Variants in TMEM45A observed in about 807,000 individuals in gnomAD.
The protein encoded by TMEM45A is transmembrane protein 45A.
TMEM45A carries 25 observed loss-of-function variants against 32.0 expected under a neutral mutation model. The observed-to-expected ratio is 0.78, with a 90% CI of 0.57 to 1.09. TMEM45A has a LOEUF of 1.09. Ranked by LOEUF, TMEM45A falls within the 50% of genes least tolerant of loss-of-function variation. The pLI is 0.00. For missense variants in TMEM45A, 302 were observed against 325.0 expected (o/e 0.93, Z 0.54); for synonymous variants, 122 against 114.8 (o/e 1.06, Z -0.40).
intron 1 of TMEM45A, among the ~76,000 whole-genome samples, chr3:100,514,162 T>G (rs973285640): frequency 6.6e-6 from 1 of 152,044 alleles, no homozygotes; most frequent in Non-Finnish European, 1.5e-5. Flanking sequence ...GAGCCCGCAT[T>G]GCCAAGTCAA....
intron 4 of TMEM45A, among the ~76,000 whole-genome samples, chr3:100,564,611 G>A (rs1423476035): frequency 6.6e-6 from 1 of 151,956 alleles, no homozygotes; most frequent in Non-Finnish European, 1.5e-5. Context: ...AGTCTCCCAA[G>A]AGCTGGGATT....
intron 5 of TMEM45A, chr3:100,571,717 T>A (rs900122610): frequency 6.6e-6 from 1 of 151,918 alleles, no homozygotes; most frequent in Admixed American, 6.5e-5. Flanking sequence ...TCATTTAGTG[T>A]TAGGTATATC....
chr3:100,533,759 C>T (rs1255817400), intron 1 of TMEM45A, among the ~76,000 whole-genome samples: 1 of 152,160 alleles, frequency 6.6e-6, no homozygotes. Flanking sequence ...GCAGTGCCTA[C>T]TGTGTGGCAA....
intron 1 of TMEM45A, among the ~76,000 whole-genome samples, chr3:100,542,906 C>T (rs1298197008): frequency 1.3e-5 from 2 of 151,932 alleles, no homozygotes; most frequent in African/African-American, 4.8e-5. Flanking sequence ...AGGGAGGGGA[C>T]AAGAGTTGAA....
intron 1 of TMEM45A, among the ~76,000 whole-genome samples, chr3:100,500,205 T>C (rs1297213142): frequency 6.6e-6 from 1 of 152,186 alleles, no homozygotes; most frequent in Non-Finnish European, 1.5e-5. Flanking sequence ...AAATATTATT[T>C]TAAAATATAC....
chr3:100,574,042 A>G (rs982718542), intron 5 of TMEM45A: 5 of 152,130 alleles, frequency 3.3e-5, no homozygotes, highest in African/African-American at 1.2e-4. Flanking sequence ...TTCATCAAGG[A>G]TATTGGTCTA....
At chr3:100,571,885 T>C (rs1706569639) in intron 5 of TMEM45A, 1 of 152,218 alleles carries the variant, frequency 6.6e-6, no homozygotes, top group African/African-American at 2.4e-5. Flanking sequence ...TTGCTGAGAA[T>C]GATGGTTTCC....
At chr3:100,510,474 A>G (rs1057132535) in intron 1 of TMEM45A, among the ~76,000 whole-genome samples, 1 of 152,220 alleles carries the variant, frequency 6.6e-6, no homozygotes, top group Non-Finnish European at 1.5e-5. Context: ...TCTGTACATC[A>G]CCATCATCAA....
At chr3:100,512,963 T>A (rs959861209) in intron 1 of TMEM45A, among the ~76,000 whole-genome samples, 1 of 151,032 alleles carries the variant, frequency 6.6e-6, no homozygotes, top group African/African-American at 2.4e-5. Context: ...TAACAGGATC[T>A]GAAATTGTGG....
intron 1 of TMEM45A, among the ~76,000 whole-genome samples, chr3:100,504,268 T>G (rs1379792808): frequency 6.6e-6 from 1 of 151,912 alleles, no homozygotes; most frequent in Non-Finnish European, 1.5e-5. Context: ...AAAAAAGTCT[T>G]GCTTGGATAT....
chr3:100,518,843 C>T (rs1029882262), intron 1 of TMEM45A, among the ~76,000 whole-genome samples: 2 of 152,194 alleles, frequency 1.3e-5, no homozygotes, highest in African/African-American at 4.8e-5. Flanking sequence ...GGAGGCTTTA[C>T]TTTTCCATGC....
At chr3:100,519,216 T>G (rs7429392) in intron 1 of TMEM45A, 98,628 of 270,588 alleles carry the variant, frequency 0.36, 22,676 homozygotes, top group African/African-American at 0.71. Flanking sequence ...TGGTGAAATC[T>G]ACTTGAGCAT....
At chr3:100,523,508 A>G (rs564474395) in intron 1 of TMEM45A, among the ~76,000 whole-genome samples, 1 of 152,358 alleles carries the variant, frequency 6.6e-6, no homozygotes, top group African/African-American at 2.4e-5. Flanking sequence ...GTAAACAATT[A>G]TGATATGCAT....
chr3:100,496,622 G>A (rs777888255), intron 1 of TMEM45A, among the ~76,000 whole-genome samples: 18 of 152,314 alleles, frequency 1.2e-4, no homozygotes, highest in Non-Finnish European at 1.5e-4. Context: ...TTTGCCTGGC[G>A]GGGGCCAGAA....
At chr3:100,538,188 T>C (rs1705780949) in intron 1 of TMEM45A, among the ~76,000 whole-genome samples, 1 of 152,232 alleles carries the variant, frequency 6.6e-6, no homozygotes, top group Non-Finnish European at 1.5e-5. Flanking sequence ...TTAAGGGCTC[T>C]CAGAGGCAGA....
chr3:100,542,843 A>G (rs887198306), intron 1 of TMEM45A, among the ~76,000 whole-genome samples: 1 of 152,166 alleles, frequency 6.6e-6, no homozygotes, highest in Admixed American at 6.5e-5. Flanking sequence ...TTGGTAATAC[A>G]TGGGCATACA....
chr3:100,539,484 T>TATACGTATACGTATAC (rs1559644578), intron 1 of TMEM45A, among the ~76,000 whole-genome samples: 7 of 112,108 alleles, frequency 6.2e-5, no homozygotes, highest in Non-Finnish European at 1.4e-4. Flanking sequence ...TATATGTATA[T>TATACGTATACGTATAC]GTATATGTAT....
At chr3:100,529,345 T>C (rs1002688257) in intron 1 of TMEM45A, among the ~76,000 whole-genome samples, 1 of 152,200 alleles carries the variant, frequency 6.6e-6, no homozygotes, top group African/African-American at 2.4e-5. Context: ...TTCAGTCATT[T>C]AACATTTTAA....
chr3:100,575,718 C>A (rs1238184731), intron 5 of TMEM45A, among the ~76,000 whole-genome samples: 1 of 152,156 alleles, frequency 6.6e-6, no homozygotes, highest in African/African-American at 2.4e-5. Flanking sequence ...GAGGGTACTT[C>A]TTTGAGCTTC....
Sources: gnomAD v4.1 joint callset for allele counts (sites outside exome capture counted in the v4.1 genomes callset) on GRCh38, gnomAD v4.1.1 for gene constraint, MANE v1.5 for transcripts, NCBI Gene and HGNC (gene_info 2026-07-23, HGNC 2026-07-21) for gene names.